The following NMU variants were observed in gnomAD, a reference collection of about 807,000 sequenced individuals.
NMU encodes neuromedin-U.
A neutral mutation model predicts 35.4 loss-of-function variants in NMU; 29 were observed. The ratio of observed to expected loss-of-function variants is 0.82; its 90% CI spans 0.61 to 1.12. The LOEUF is 1.12. Ranked by LOEUF, NMU falls within the 50% of genes most tolerant of loss-of-function variation. The probability of loss-of-function intolerance (pLI) is 0.00; values close to 1 mark genes in which losing one functional copy is unlikely to be tolerated. For missense variants in NMU, 199 were observed against 206.2 expected (o/e 0.97, Z 0.21); for synonymous variants, 78 against 81.3 (o/e 0.96, Z 0.22).
chr4:55,604,595 C>T (rs1414982450), intron 7 of NMU, among the ~76,000 whole-genome samples: 8 of 148,022 alleles, frequency 5.4e-5, no homozygotes, highest in Non-Finnish European at 3.0e-5. Context: ...TGCAGTGCAA[C>T]CTCTGCCTCC....
At chr4:55,605,714 C>T (rs759376201) in intron 6 of NMU, among the ~76,000 whole-genome samples, 19 of 152,242 alleles carry the variant, frequency 1.2e-4, no homozygotes, top group Non-Finnish European at 2.1e-4. Context: ...TCGGACCAGG[C>T]GAAACCCACA....
chr4:55,635,180 C>A lies in NMU; in HGVS notation c.112+901G>T, dbSNP rs1011943808. Among the ~76,000 whole-genome samples the A allele has an allele frequency of 4.7e-4, 72 of 152,076 alleles. 1 individual carries two copies. Among genetic ancestry groups the A allele is most frequent in the African/African-American group, 7.0e-4 (29 of 41,390 alleles). ...AGGCAGTGGTTGGCAATGGAGGGAA[C>A]CCTGACTTGGGGATGAATGACGGTC... On this transcript the variant is annotated intron_variant, in intron 1 of 9. Transcript: ENST00000264218.
At chr4:55,604,634 C>A in intron 7 of NMU, among the ~76,000 whole-genome samples, 1 of 132,206 alleles carries the variant, frequency 7.6e-6, no homozygotes, top group Admixed American at 8.0e-5. Flanking sequence ...GTGCCTCAGT[C>A]TCCGAGTACC....
In NMU at chr4:55,630,394, T is replaced by C; in HGVS notation, c.171+8A>G. 1 of 1,602,100 alleles carries C rather than the reference T, an allele frequency of 6.2e-7. No homozygotes were observed. The highest frequency in any genetic ancestry group is 8.6e-7 in the Non-Finnish European group (1 of 1,169,326). On this transcript the variant is annotated splice_region_variant and intron_variant, in intron 2 of 9. Transcript: ENST00000264218. ...TTTCTACAAATTTGTGTGATGATAG[T>C]TCCTTACCTCATTCCACAACTGTAG... is the stretch of plus-strand genomic sequence containing the variant.
intron 2 of NMU, among the ~76,000 whole-genome samples, chr4:55,624,175 A>C (rs1392062489): frequency 1.3e-5 from 2 of 148,292 alleles, no homozygotes; most frequent in Non-Finnish European, 1.5e-5. Flanking sequence ...AATGGGATCT[A>C]ATTAAACTAA....
chr4:55,601,865 G>T (rs1161023367), intron 7 of NMU, among the ~76,000 whole-genome samples: 1 of 151,818 alleles, frequency 6.6e-6, no homozygotes, highest in Non-Finnish European at 1.5e-5. Context: ...GCATACACCT[G>T]TGGACCCAGC....
At chr4:55,610,030 G>A (rs2110194404) in intron 3 of NMU, among the ~76,000 whole-genome samples, 1 of 152,272 alleles carries the variant, frequency 6.6e-6, no homozygotes, top group African/African-American at 2.4e-5. Flanking sequence ...CCTTAGGCTG[G>A]TTACCTAACC....
chr4:55,633,169 A>C (rs1036561716), intron 1 of NMU, among the ~76,000 whole-genome samples: 1 of 151,584 alleles, frequency 6.6e-6, no homozygotes, highest in African/African-American at 2.4e-5. Context: ...CTAAAAATAC[A>C]AAAAAATTAG....
chr4:55,614,624 T>C (rs908030307), intron 3 of NMU, among the ~76,000 whole-genome samples: 2 of 152,204 alleles, frequency 1.3e-5, no homozygotes, highest in African/African-American at 4.8e-5. Context: ...ACAATTTCAA[T>C]TGCAAATGTA....
rs1292877946 is a variant in NMU at position 55,636,230 on chromosome 4, C to T, written c.-38G>A. 2 of 1,427,734 alleles carry T rather than the reference C, an allele frequency of 1.4e-6. No individual in the cohort carries two copies. Among genetic ancestry groups the T allele is most frequent in the Admixed American group, 2.9e-5 (1 of 34,588 alleles). The allele number at this position is 1,427,734 out of a possible 1,614,324, so 88.4% of individuals were successfully genotyped here. ...GGGAGGCTCGGTGCTAGGGACGCTGCGCTGCGCCACGCGTAGCTGGTGCTC... is the reference window on the plus strand; with the variant it reads ...GGGAGGCTCGGTGCTAGGGACGCTGTGCTGCGCCACGCGTAGCTGGTGCTC... On this transcript the variant is annotated 5_prime_UTR_variant, in exon 1 of 10. Coordinates refer to ENST00000264218, the MANE Select transcript of NMU (RefSeq NM_006681.4). The surrounding 1 kb of genome is among the most constrained non-coding windows in gnomAD (Gnocchi z 4.0).
chr4:55,606,898 G>A (rs929260646), intron 6 of NMU, among the ~76,000 whole-genome samples: 2 of 151,848 alleles, frequency 1.3e-5, no homozygotes, highest in African/African-American at 2.4e-5. Context: ...GGCTGGTCTC[G>A]AACTCTGGAC....
intron 2 of NMU, among the ~76,000 whole-genome samples, chr4:55,617,778 G>T (rs1734167657): frequency 6.6e-6 from 1 of 152,108 alleles, no homozygotes; most frequent in Non-Finnish European, 1.5e-5. Flanking sequence ...TGGTGTGCAG[G>T]TATCTGAAGA....
At chr4:55,625,040 G>T (rs1577959464) in intron 2 of NMU, among the ~76,000 whole-genome samples, 1 of 87,568 alleles carries the variant, frequency 1.1e-5, no homozygotes, top group Non-Finnish European at 2.2e-5. Context: ...AGGGGGGAGG[G>T]ATAGCATTGG....
At chr4:55,603,885 C>A (rs1351493850) in intron 7 of NMU, among the ~76,000 whole-genome samples, 1 of 125,164 alleles carries the variant, frequency 8.0e-6, no homozygotes, top group Admixed American at 9.1e-5. Flanking sequence ...GCACTCCAGT[C>A]TGGGCGACAG....
At chr4:55,617,340 A>C (rs981648760) in intron 2 of NMU, among the ~76,000 whole-genome samples, 2 of 152,182 alleles carry the variant, frequency 1.3e-5, no homozygotes, top group Admixed American at 1.3e-4. Flanking sequence ...TTACAGAAAA[A>C]GCATAAGCTT....
chr4:55,605,206 G>T, intron 7 of NMU, 69 bp downstream of exon 7: 2 of 1,018,632 alleles, frequency 2.0e-6, no homozygotes, highest in Non-Finnish European at 3.1e-6. Context: ...AACTACCACA[G>T]CTGGGAATTA....
intron 3 of NMU, among the ~76,000 whole-genome samples, chr4:55,609,888 T>G (rs1469299816): frequency 6.6e-6 from 1 of 152,200 alleles, no homozygotes; most frequent in Non-Finnish European, 1.5e-5. Flanking sequence ...GTATGCATTT[T>G]GGAAGTAATG....
Position 55,636,248 on chromosome 4 carries a change from T to C in NMU, c.-56A>G. On this transcript the variant is annotated 5_prime_UTR_variant, in exon 1 of 10. Coordinates refer to ENST00000264218, the MANE Select transcript of NMU (RefSeq NM_006681.4). This position sits in a 1 kb window ranked among gnomAD's most constrained non-coding sequence, Gnocchi z 4.0. Reference sequence around the variant, plus strand: ...GACGCTGCGCTGCGCCACGCGTAGCTGGTGCTCCACCTGGTGCCCTGGCTG... The same window carrying C: ...GACGCTGCGCTGCGCCACGCGTAGCCGGTGCTCCACCTGGTGCCCTGGCTG... The C allele has an allele frequency of 2.1e-6, 3 of 1,418,548 alleles. No homozygotes were observed. Among genetic ancestry groups the C allele is most frequent in the Non-Finnish European group, 2.7e-6 (3 of 1,096,202 alleles). The allele number at this position is 1,418,548 out of a possible 1,614,324, so 87.9% of individuals were successfully genotyped here. A position where few individuals can be genotyped will look rare whatever the true frequency, so the allele number is the denominator to read the frequency against.
At chr4:55,616,915 T>C (rs1177663618) in intron 2 of NMU, among the ~76,000 whole-genome samples, 1 of 152,212 alleles carries the variant, frequency 6.6e-6, no homozygotes, top group Admixed American at 6.5e-5. Flanking sequence ...TGAGGGTTTA[T>C]TGAGCTACAG....
Sources: allele counts gnomAD v4.1 joint callset (sites outside exome capture counted in the v4.1 genomes callset), GRCh38; gene constraint gnomAD v4.1.1; non-coding constraint Gnocchi (gnomAD v3.1); transcripts MANE v1.5; gene names NCBI Gene and HGNC (gene_info 2026-07-23, HGNC 2026-07-21).